Variants in NPSR1 observed in about 807,000 individuals in gnomAD.
The protein encoded by NPSR1 is neuropeptide S receptor.
A neutral mutation model predicts 46.9 loss-of-function variants in NPSR1; 48 were observed. The observed-to-expected ratio is 1.02, with a 90% CI of 0.81 to 1.30. The LOEUF (loss-of-function observed/expected upper bound fraction) is 1.30, where lower values mean the gene tolerates loss of function less well. Ranked by LOEUF, NPSR1 falls within the 50% of genes most tolerant of loss-of-function variation. The pLI is 0.00. For missense variants in NPSR1, 450 were observed against 449.5 expected, an observed-to-expected ratio of 1.00 and a Z score of -0.01; for synonymous variants, 176 against 168.1, an observed-to-expected ratio of 1.05 and a Z score of -0.36.
At chr7:34,743,850 C>A (rs1291162688) in intron 2 of NPSR1, among the ~76,000 whole-genome samples, 1 of 152,082 alleles carries the variant, frequency 6.6e-6, no homozygotes, top group East Asian at 1.9e-4. Context: ...CATTTTCTAG[C>A]TTACTTTCCT....
intron 8 of NPSR1, among the ~76,000 whole-genome samples, chr7:34,858,546 C>T (rs1171826566): frequency 6.6e-6 from 1 of 150,568 alleles, no homozygotes; most frequent in East Asian, 1.9e-4. Context: ...GTTTTTCACA[C>T]TGCTGATAAA....
intron 3 of NPSR1, among the ~76,000 whole-genome samples, chr7:34,785,992 G>T (rs941089076): frequency 1.3e-5 from 2 of 152,128 alleles, no homozygotes; most frequent in Non-Finnish European, 2.9e-5. Flanking sequence ...GGTGGTGGTT[G>T]CCAAAGGTTG....
chr7:34,870,346 C>T (rs1791421973), intron 8 of NPSR1, among the ~76,000 whole-genome samples: 1 of 151,796 alleles, frequency 6.6e-6, no homozygotes, highest in African/African-American at 2.4e-5. Context: ...AAAATAAATT[C>T]CTGTTGAATA....
Position 34,756,930 on chromosome 7 carries a change from C to T in NPSR1, c.281-21532C>T, listed in dbSNP as rs578196122. Among the ~76,000 whole-genome samples the T allele has an allele frequency of 2.0e-5, 3 of 152,304 alleles. No homozygotes were observed. The East Asian group carries it at 5.8e-4, about 29-fold the overall frequency. On this transcript the variant is annotated intron_variant, in intron 2 of 8. Transcript: ENST00000360581. ...ATATGCTTTACTGAATTAAATCCTA[C>T]AATAACCACAAAAGGCTGAAATTAT...
intron 3 of NPSR1, among the ~76,000 whole-genome samples, chr7:34,802,479 T>G (rs1401377064): frequency 3.3e-5 from 5 of 150,366 alleles, no homozygotes; most frequent in Admixed American, 1.3e-4. Context: ...GATTCCCTAT[T>G]TAATAAACGG....
intron 6 of NPSR1, among the ~76,000 whole-genome samples, chr7:34,842,135 A>T (rs187111281): frequency 2.0e-5 from 3 of 152,194 alleles, no homozygotes; most frequent in African/African-American, 4.8e-5. Flanking sequence ...TGGTTCCTTG[A>T]ATATATTATT....
At chr7:34,851,118 C>T (rs563457023), downstream of NPSR1, among the ~76,000 whole-genome samples, 12 of 152,004 alleles carry the variant, frequency 7.9e-5, no homozygotes, top group African/African-American at 2.4e-4. Context: ...TTTAGCTTCA[C>T]GTATATTCTT....
chr7:34,790,247 A>G (rs976620143), intron 3 of NPSR1, among the ~76,000 whole-genome samples: 2 of 152,194 alleles, frequency 1.3e-5, no homozygotes, highest in Non-Finnish European at 2.9e-5. Context: ...GACATGCCAC[A>G]TTAACAAAAT....
intron 2 of NPSR1, among the ~76,000 whole-genome samples, chr7:34,713,078 G>A (rs530445649): frequency 6.6e-6 from 1 of 152,262 alleles, no homozygotes; most frequent in East Asian, 1.9e-4. Context: ...GTAATCTTAA[G>A]GACACCGCCC....
intron 2 of NPSR1, among the ~76,000 whole-genome samples, chr7:34,705,078 A>G (rs76211698): frequency 0.029 from 4,441 of 152,102 alleles, 66 homozygotes; most frequent in African/African-American, 0.038. Flanking sequence ...CTTTTTATAT[A>G]CATATTTTTT....
At chr7:34,703,757 G>C (rs1231908367) in intron 2 of NPSR1, 1 of 152,494 alleles carries the variant, frequency 6.6e-6, no homozygotes, top group African/African-American at 2.4e-5. Context: ...CAATTTTCTG[G>C]ATGAATTTAA....
intron 2 of NPSR1, among the ~76,000 whole-genome samples, chr7:34,723,914 T>C (rs904848038): frequency 2.6e-5 from 4 of 152,264 alleles, no homozygotes; most frequent in African/African-American, 9.6e-5. Flanking sequence ...AATATATCAC[T>C]GTCTTTATAA....
intron 1 of NPSR1, among the ~76,000 whole-genome samples, chr7:34,673,748 A>G (rs1792174480): frequency 6.6e-6 from 1 of 152,236 alleles, no homozygotes; most frequent in Non-Finnish European, 1.5e-5. Flanking sequence ...CAAAGGTATT[A>G]AAACTTGAGC....
intron 2 of NPSR1, among the ~76,000 whole-genome samples, chr7:34,700,972 G>T (rs1793797737): frequency 6.6e-6 from 1 of 152,180 alleles, no homozygotes; most frequent in South Asian, 2.1e-4. Context: ...ACTTACTAAA[G>T]AGTGAAAGTT....
intron 8 of NPSR1, among the ~76,000 whole-genome samples, chr7:34,874,746 A>T (rs576170233): frequency 6.6e-6 from 1 of 152,004 alleles, no homozygotes; most frequent in East Asian, 1.9e-4. Context: ...AGCCAGGCAA[A>T]CTCTCCCTGC....
chr7:34,662,688 T>C (rs1218389069), intron 1 of NPSR1, among the ~76,000 whole-genome samples: 2 of 152,208 alleles, frequency 1.3e-5, no homozygotes, highest in Non-Finnish European at 1.5e-5. Flanking sequence ...AAATCATTAT[T>C]AAACATATTA....
At chr7:34,706,913 T>A (rs1794140640) in intron 2 of NPSR1, among the ~76,000 whole-genome samples, 1 of 152,166 alleles carries the variant, frequency 6.6e-6, no homozygotes, top group South Asian at 2.1e-4. Context: ...ATTCCTACAC[T>A]AGCTGCACAA....
At position 34,868,189 on chromosome 7, in the gene NPSR1, G is replaced by A. The variant is rs544489512; in HGVS notation, c.1026-9887G>A. ...TTCAAAGCCCAGGGAATGTGGGGAT[G>A]TAGACCCTTTCAGCGATAGCCAAAA... On this transcript the variant is annotated intron_variant, in intron 8 of 8. Transcript: ENST00000359791. Among the ~76,000 whole-genome samples, 64 of 151,798 alleles carry A rather than the reference G, an allele frequency of 4.2e-4. 2 individuals are homozygous for A. The highest frequency in any genetic ancestry group is 1.5e-3 in the African/African-American group (63 of 41,088).
intron 4 of NPSR1, among the ~76,000 whole-genome samples, chr7:34,819,204 A>C (rs1789422370): frequency 6.6e-6 from 1 of 152,178 alleles, no homozygotes; most frequent in African/African-American, 2.4e-5. Flanking sequence ...TCTACAAAGA[A>C]CTCAAACAAA....
Sources: gnomAD v4.1 joint callset for allele counts (sites outside exome capture counted in the v4.1 genomes callset) on GRCh38, gnomAD v4.1.1 for gene constraint, MANE v1.5 for transcripts, NCBI Gene and HGNC (gene_info 2026-07-23, HGNC 2026-07-21) for gene names.